The following DERA variants were observed in gnomAD, a reference collection of about 807,000 sequenced individuals.
The protein encoded by DERA is 2-deoxy-D-ribose 5-phosphate aldolase.
A neutral mutation model predicts 41.1 loss-of-function variants in DERA; 15 were observed. That is an observed-to-expected ratio of 0.37 (90% confidence interval 0.24 to 0.56). The LOEUF (loss-of-function observed/expected upper bound fraction) is 0.56. DERA is among the 20% of genes least tolerant of loss of function. The probability of loss-of-function intolerance (pLI) is 0.81; values close to 1 mark genes in which losing one functional copy is unlikely to be tolerated. For synonymous variants in DERA, 139 were observed against 137.4 expected, an observed-to-expected ratio of 1.01 and a Z score of -0.08; for missense variants, 396 against 403.4, an observed-to-expected ratio of 0.98 and a Z score of 0.16.
chr12:15,950,341 A>T (rs1291550294), intron 1 of DERA, among the ~76,000 whole-genome samples: 1 of 152,218 alleles, frequency 6.6e-6, no homozygotes, highest in African/African-American at 2.4e-5. Flanking sequence ...TGATGTTGCC[A>T]TGGCATTTGT....
chr12:15,974,726 T>C (rs1948685903), intron 5 of DERA, among the ~76,000 whole-genome samples: 2 of 152,214 alleles, frequency 1.3e-5, no homozygotes, highest in African/African-American at 4.8e-5. Flanking sequence ...CATCTAACTT[T>C]TATTCACTCT....
At position 15,982,325 on chromosome 12, in the gene DERA, C is replaced by T. The variant is rs757878771; in HGVS notation, c.526C>T (p.Arg176Cys). 20 of 1,613,140 alleles carry T rather than the reference C, an allele frequency of 1.2e-5. No homozygotes were observed. Among genetic ancestry groups the T allele is most frequent in the Admixed American group, 8.4e-5 (5 of 59,788 alleles). The change falls in exon 6 of 9, where the codon CGT (arginine) becomes TGT (cysteine). Residue 176 changes from arginine to cysteine, a missense_variant. Coordinates refer to ENST00000428559, the MANE Select transcript of DERA (RefSeq NM_015954.4). The surrounding 1 kb of genome is among the most constrained non-coding windows in gnomAD (Gnocchi z 4.0). ...TTCCCCAGCCCTGTATGATGAGATT[C>T]GTCAGTTTCGCAAGGCCTGTGGGGA... ...GQWEALYDEI[R>C]QFRKACGEAH...
intron 6 of DERA, 104 bp from the exon 7 acceptor site, chr12:16,032,438 G>T: frequency 1.6e-6 from 1 of 641,716 alleles, no homozygotes; most frequent in Non-Finnish European, 2.6e-6. Flanking sequence ...AATAACATTG[G>T]GTTTCTTCGG....
intron 5 of DERA, among the ~76,000 whole-genome samples, chr12:15,975,177 A>G (rs1948688710): frequency 6.6e-6 from 1 of 152,178 alleles, no homozygotes; most frequent in Non-Finnish European, 1.5e-5. Flanking sequence ...TTACTACTCA[A>G]GTCAGTCTCC....
intron 6 of DERA, among the ~76,000 whole-genome samples, chr12:16,016,693 G>C (rs1948984403): frequency 6.7e-6 from 1 of 148,362 alleles, no homozygotes; most frequent in Non-Finnish European, 1.5e-5. Context: ...GTGGAGGGCT[G>C]AGGCAAGAGG....
chr12:15,933,721 C>T (rs1948345691), intron 1 of DERA, among the ~76,000 whole-genome samples: 1 of 152,120 alleles, frequency 6.6e-6, no homozygotes, highest in Non-Finnish European at 1.5e-5. Context: ...ATTTTATACT[C>T]AGTGTTTGAA....
At chr12:15,923,891 AATAGAAC>A (rs1948264014) in intron 1 of DERA, among the ~76,000 whole-genome samples, 1 of 152,152 alleles carries the variant, frequency 6.6e-6, no homozygotes, top group Non-Finnish European at 1.5e-5. Context: ...TGTTTTTTCA[AATAGAAC>A]ACATTTATTC....
rs142585995 is a variant in DERA at position 15,935,184 on chromosome 12, A to G, written c.32-21752A>G. Reference sequence around the variant, plus strand: ...TGGACATCCATTGCTATGATATTTTAAAGTTTCACTGTAATTTTTTGGCTG... The same window carrying G: ...TGGACATCCATTGCTATGATATTTTGAAGTTTCACTGTAATTTTTTGGCTG... On this transcript the variant is annotated intron_variant, in intron 1 of 8. Coordinates refer to ENST00000428559, the MANE Select transcript of DERA (RefSeq NM_015954.4). This position sits in a 1 kb window ranked among gnomAD's most constrained non-coding sequence, Gnocchi z 4.8. Among the ~76,000 whole-genome samples, 1 of 152,346 alleles carries G rather than the reference A, an allele frequency of 6.6e-6. No individual in the cohort carries two copies. The highest frequency in any genetic ancestry group is 2.1e-4 in the South Asian group (1 of 4,828).
chr12:16,036,287 T>G lies in DERA; in HGVS notation c.806T>G (p.Leu269Arg). ...IRSAKDSLAWLSLVKEELGDE... is the reference protein window; with the variant it reads ...IRSAKDSLAWRSLVKEELGDE... ...AGTGCAAAGGATTCCCTTGCTTGGC[T>G]CTCTCTTGTAAAGGAGGAGCTTGGA... Residue 269 changes from leucine (L) to arginine (R), a missense_variant, in exon 8 of 9, where the codon CTC (leucine) becomes CGC (arginine). Transcript: ENST00000428559. The surrounding 1 kb of genome is among the most constrained non-coding windows in gnomAD (Gnocchi z 4.9). The G allele has an allele frequency of 6.2e-7, 1 of 1,613,674 alleles. No homozygotes were observed. The highest frequency in any genetic ancestry group is 8.5e-7 in the Non-Finnish European group (1 of 1,179,730).
intron 1 of DERA, among the ~76,000 whole-genome samples, chr12:15,923,311 C>T (rs908025529): frequency 6.6e-6 from 1 of 152,062 alleles, no homozygotes; most frequent in Non-Finnish European, 1.5e-5. Flanking sequence ...CGTGAGCCAC[C>T]GCGCCCGGCC....
chr12:15,993,305 A>T lies in DERA; in HGVS notation c.637+10869A>T, dbSNP rs550404787. Among the ~76,000 whole-genome samples, 13 of 152,288 alleles carry T rather than the reference A, an allele frequency of 8.5e-5. No homozygotes were observed. Among genetic ancestry groups the T allele is most frequent in the Non-Finnish European group, 1.9e-4 (13 of 68,014 alleles). ...AAATTAGTATCTAAGATTTTAAAAA[A>T]TATATTTTTGAAAATTTAAATATGC... On this transcript the variant is annotated intron_variant, in intron 6 of 8. Coordinates refer to ENST00000428559, the MANE Select transcript of DERA (RefSeq NM_015954.4). This position sits in a 1 kb window ranked among gnomAD's most constrained non-coding sequence, Gnocchi z 4.4.
chr12:16,026,955 A>G lies in DERA; in HGVS notation c.638-5587A>G, dbSNP rs1043131361. Among the ~76,000 whole-genome samples the G allele has an allele frequency of 6.6e-6, 1 of 152,200 alleles. No homozygotes were observed. The highest frequency in any genetic ancestry group is 2.4e-5 in the African/African-American group (1 of 41,456). ...TCCAACAATGTATAAAACTAATTAT[A>G]TGCCACAACCAAGTGTGATTTATTC... On this transcript the variant is annotated intron_variant, in intron 6 of 8. Transcript: ENST00000428559. The surrounding 1 kb of genome is among the most constrained non-coding windows in gnomAD (Gnocchi z 4.4).
chr12:15,955,685 C>T (rs1024378617), intron 1 of DERA, among the ~76,000 whole-genome samples: 3 of 152,150 alleles, frequency 2.0e-5, no homozygotes, highest in Non-Finnish European at 4.4e-5. Context: ...GTCCACCTTG[C>T]AATCTCTATA....
In DERA at chr12:15,943,037, A is replaced by G. The variant is rs528152410; in HGVS notation, c.32-13899A>G. 2.3e-3 allele frequency among the ~76,000 whole-genome samples: 351 copies of G among 152,294 alleles called. No homozygotes were observed. Among genetic ancestry groups the G allele is most frequent in the Middle Eastern group, 6.8e-3 (2 of 294 alleles). ...TTTGACTTCAGTAGTTACTTAGAGC[A>G]TAGAGTGGTTGGGGAGAGGGACAGC... is the stretch of plus-strand genomic sequence containing the variant. On this transcript the variant is annotated intron_variant, in intron 1 of 8. Transcript: ENST00000428559. The surrounding 1 kb of genome is among the most constrained non-coding windows in gnomAD (Gnocchi z 4.5).
At chr12:16,023,164 C>T (rs898129266) in intron 6 of DERA, among the ~76,000 whole-genome samples, 1 of 152,186 alleles carries the variant, frequency 6.6e-6, no homozygotes, top group Non-Finnish European at 1.5e-5. Context: ...CCTCCCTCAT[C>T]TGTTACCACC....
At position 16,014,505 on chromosome 12, in the gene DERA, A is replaced by G. The variant is rs1468931078; in HGVS notation, c.638-18037A>G. Among the ~76,000 whole-genome samples, 1 of 152,242 alleles carries G rather than the reference A, an allele frequency of 6.6e-6. No homozygotes were observed. Among genetic ancestry groups the G allele is most frequent in the Non-Finnish European group, 1.5e-5 (1 of 68,042 alleles). ...GGTGTTGGTCCTGCAGGTGCACAGA[A>G]GTCAAGAATTGAGGTTTGGAAACCA... On this transcript the variant is annotated intron_variant, in intron 6 of 8. Coordinates refer to ENST00000428559, the MANE Select transcript of DERA (RefSeq NM_015954.4). This position sits in a 1 kb window ranked among gnomAD's most constrained non-coding sequence, Gnocchi z 5.4.
At chr12:15,920,789 T>C (rs1948237687) in intron 1 of DERA, among the ~76,000 whole-genome samples, 1 of 152,186 alleles carries the variant, frequency 6.6e-6, no homozygotes, top group Non-Finnish European at 1.5e-5. Flanking sequence ...GAGCCGAGAT[T>C]GCGCCACTAC....
rs1948787601 is a variant in DERA at position 15,989,544 on chromosome 12, G to T, written c.637+7108G>T. Among the ~76,000 whole-genome samples the T allele has an allele frequency of 6.6e-6, 1 of 152,150 alleles. No individual in the cohort carries two copies. The highest frequency in any genetic ancestry group is 2.1e-4 in the South Asian group (1 of 4,824). Reference sequence around the variant, plus strand: ...TTTGTACAGCTGGGTTATTTCAAGGGTCTGTATTTTGAGCTTTTAATTTTT... The same window carrying T: ...TTTGTACAGCTGGGTTATTTCAAGGTTCTGTATTTTGAGCTTTTAATTTTT... On this transcript the variant is annotated intron_variant, in intron 6 of 8. Coordinates refer to ENST00000428559, the MANE Select transcript of DERA (RefSeq NM_015954.4). The surrounding 1 kb of genome is among the most constrained non-coding windows in gnomAD (Gnocchi z 5.2).
chr12:15,953,339 A>C (rs1488710265), intron 1 of DERA, among the ~76,000 whole-genome samples: 1 of 152,204 alleles, frequency 6.6e-6, no homozygotes, highest in Non-Finnish European at 1.5e-5. Flanking sequence ...ATGCTTTAGG[A>C]ATACTGTGAA....
Sources: gnomAD v4.1 joint callset for allele counts (sites outside exome capture counted in the v4.1 genomes callset) on GRCh38, gnomAD v4.1.1 for gene constraint, Gnocchi (gnomAD v3.1) non-coding constraint, MANE v1.5 for transcripts, NCBI Gene and HGNC (gene_info 2026-07-23, HGNC 2026-07-21) for gene names.